Variants in OVCH1 observed in about 807,000 individuals in gnomAD.
OVCH1 encodes the protein ovochymase 1, also known as ovochymase-1.
OVCH1 carries 139 observed loss-of-function variants against 138.4 expected under a neutral mutation model. That is an observed-to-expected ratio of 1.00 (90% confidence interval 0.87 to 1.16). The LOEUF is 1.16. Among genes scored for constraint, OVCH1 ranks in the 50% most tolerant of loss-of-function variants. The pLI is 0.00. For missense variants in OVCH1, 1,367 were observed against 1,357.9 expected (o/e 1.01, Z -0.11); for synonymous variants, 453 against 467.8 (o/e 0.97, Z 0.41).
the OVCH1 span, among the ~76,000 whole-genome samples, chr12:29,405,409 G>T: frequency 6.6e-6 from 1 of 152,050 alleles, no homozygotes; most frequent in African/African-American, 2.4e-5. Flanking sequence ...CCATACCCTG[G>T]TAGCTTTGCC....
In OVCH1 at chr12:29,489,369, C is replaced by T. The variant is rs528014634; in HGVS notation, c.702+251G>A. Among the ~76,000 whole-genome samples, 58 of 152,228 alleles carry T rather than the reference C, an allele frequency of 3.8e-4. 1 individual carries two copies. Among genetic ancestry groups the T allele is most frequent in the African/African-American group, 1.1e-3 (44 of 41,534 alleles). ...TTGCTTGATTCCATTAGGTTGCACA[C>T]GTTGAAACTAACCCCTTTTGCCAAC... On this transcript the variant is annotated intron_variant, in intron 6 of 27. Coordinates refer to ENST00000318184, the Ensembl canonical transcript of OVCH1.
chr12:29,451,651 T>A, intron 21 of OVCH1, 82 bp from the exon 22 acceptor site: 1 of 1,111,800 alleles, frequency 9.0e-7, no homozygotes, highest in Non-Finnish European at 1.3e-6. Context: ...GACTGAAAAA[T>A]CTAGGCTTGC....
chr12:29,488,837 T>G (rs75413018), intron 6 of OVCH1, among the ~76,000 whole-genome samples: 2,818 of 152,252 alleles, frequency 0.019, 85 homozygotes, highest in African/African-American at 0.065. Flanking sequence ...TGAATGCAGA[T>G]AGGAAAAAGC....
At chr12:29,465,197 T>C in exon 17 of OVCH1, 1 of 1,603,466 alleles carries the variant, frequency 6.2e-7, no homozygotes, top group Non-Finnish European at 8.5e-7. Flanking sequence ...GCAATAATAG[T>C]CCAGGAGAGT....
intron 1 of OVCH1, 48 bp downstream of exon 1, chr12:29,497,575 C>T: frequency 6.2e-7 from 1 of 1,605,450 alleles, no homozygotes. Flanking sequence ...CCCTCTCCAG[C>T]ACGCTCAGCC....
chr12:29,422,431 T>C (rs1425514621), intron 3 of OVCH1, among the ~76,000 whole-genome samples: 1 of 152,170 alleles, frequency 6.6e-6, no homozygotes, highest in East Asian at 1.9e-4. Flanking sequence ...AAGAAGGACA[T>C]TTCACTGAAG....
At chr12:29,449,757 C>T (rs1477035988) in intron 22 of OVCH1, among the ~76,000 whole-genome samples, 1 of 152,162 alleles carries the variant, frequency 6.6e-6, no homozygotes, top group Admixed American at 6.5e-5. Context: ...TACCTGATTT[C>T]AAACTATACT....
intron 21 of OVCH1, among the ~76,000 whole-genome samples, chr12:29,453,916 C>T (rs2135949743): frequency 6.6e-6 from 1 of 152,288 alleles, no homozygotes; most frequent in South Asian, 2.1e-4. Context: ...CCTACTATAT[C>T]TTTCTAGTTC....
chr12:29,433,017 GA>G (rs996028148), intron 27 of OVCH1, among the ~76,000 whole-genome samples: 1 of 151,658 alleles, frequency 6.6e-6, no homozygotes, highest in Non-Finnish European at 1.5e-5. Context: ...CAAAAGGGGA[GA>G]CAGTGAGTAT....
chr12:29,493,635 T>C (rs1418431575), intron 4 of OVCH1, among the ~76,000 whole-genome samples: 2 of 152,206 alleles, frequency 1.3e-5, no homozygotes, highest in African/African-American at 2.4e-5. Flanking sequence ...AAATATTCTA[T>C]TGAGTTTCTA....
chr12:29,473,469 T>C (rs1942586621), intron 14 of OVCH1, among the ~76,000 whole-genome samples: 2 of 152,160 alleles, frequency 1.3e-5, no homozygotes, highest in South Asian at 4.1e-4. Flanking sequence ...TGTAGATGAC[T>C]TCCAAATTTC....
At chr12:29,486,330 G>A (rs748653263) in exon 8 of OVCH1, 4 of 1,613,508 alleles carry the variant, frequency 2.5e-6, no homozygotes, top group Non-Finnish European at 3.4e-6. Context: ...TTTTGAGAGG[G>A]GTTGGCCCCG....
chr12:29,402,827 G>C, the OVCH1 span, among the ~76,000 whole-genome samples: 1 of 152,246 alleles, frequency 6.6e-6, no homozygotes, highest in Non-Finnish European at 1.5e-5. Context: ...GTGGGGAAGA[G>C]AGAGAAAAGA....
the OVCH1 span, among the ~76,000 whole-genome samples, chr12:29,405,533 A>G: frequency 1.3e-5 from 2 of 152,232 alleles, no homozygotes; most frequent in African/African-American, 4.8e-5. Context: ...CACGGATTGC[A>G]GACTCTTAGG....
downstream of OVCH1, among the ~76,000 whole-genome samples, chr12:29,407,788 G>A (rs1184098608): frequency 1.3e-5 from 2 of 150,954 alleles, no homozygotes; most frequent in Non-Finnish European, 1.5e-5. Flanking sequence ...TTGGCTATGC[G>A]GGCTCTTTTT....
chr12:29,451,017 G>A (rs1426684878), intron 22 of OVCH1, among the ~76,000 whole-genome samples: 2 of 151,594 alleles, frequency 1.3e-5, no homozygotes, highest in African/African-American at 4.9e-5. Context: ...GGCCTGTTGG[G>A]GGGTGGGGGG....
At chr12:29,489,694 T>C (rs1373743338) in exon 6 of OVCH1, 39 of 1,610,350 alleles carry the variant, frequency 2.4e-5, no homozygotes, top group Non-Finnish European at 3.2e-5. Context: ...AGGTTCATGC[T>C]CTTGAGCACA....
chr12:29,443,547 A>G (rs1941540784), intron 24 of OVCH1, 47 bp from the exon 25 acceptor site: 18 of 1,485,466 alleles, frequency 1.2e-5, no homozygotes, highest in Non-Finnish European at 1.5e-5. Context: ...TAAACAGAAT[A>G]TATTGTTAGT....
intron 25 of OVCH1, among the ~76,000 whole-genome samples, chr12:29,442,986 C>A (rs1941527286): frequency 6.6e-6 from 1 of 152,048 alleles, no homozygotes; most frequent in South Asian, 2.1e-4. Flanking sequence ...AGGCTTCTAA[C>A]TCCTACCAAT....
Sources: allele counts gnomAD v4.1 joint callset (sites outside exome capture counted in the v4.1 genomes callset), GRCh38; gene constraint gnomAD v4.1.1; transcripts MANE v1.5; gene names NCBI Gene and HGNC (gene_info 2026-07-23, HGNC 2026-07-21).